Variants in PROM1 observed in about 807,000 individuals in gnomAD.
PROM1 encodes prominin 1, also known as prominin-1.
A neutral mutation model predicts 116.9 loss-of-function variants in PROM1; 105 were observed. That is an observed-to-expected ratio of 0.90 (90% CI 0.77 to 1.06). The LOEUF is 1.06. Ranked by LOEUF, PROM1 falls within the 50% of genes least tolerant of loss-of-function variation. The pLI, the probability that PROM1 is intolerant of heterozygous loss-of-function variation, is 0.00. For missense variants in PROM1, 1,122 were observed against 1,045.2 expected, an observed-to-expected ratio of 1.07 and a Z score of -1.01; for synonymous variants, 393 against 387.0, an observed-to-expected ratio of 1.02 and a Z score of -0.18.
intron 2 of PROM1, among the ~76,000 whole-genome samples, chr4:16,074,225 G>A (rs923548683): frequency 6.6e-6 from 1 of 151,108 alleles, no homozygotes; most frequent in Admixed American, 6.6e-5. Flanking sequence ...TAATTGGATT[G>A]TTTGTAACAC....
chr4:15,985,369 A>T (rs528628923), intron 22 of PROM1: 7 of 206,988 alleles, frequency 3.4e-5, no homozygotes, highest in African/African-American at 1.7e-4. Flanking sequence ...CAAGATCCTT[A>T]TTCTCTCTGA....
intron 13 of PROM1, among the ~76,000 whole-genome samples, chr4:16,002,320 C>A (rs111366368): frequency 6.6e-6 from 1 of 152,138 alleles, no homozygotes; most frequent in African/African-American, 2.4e-5. Context: ...TGTAGGGATA[C>A]CCAATGTACC....
intron 22 of PROM1, 59 bp from the exon 23 acceptor site, chr4:15,984,414 G>A (rs2149069349): frequency 7.8e-7 from 1 of 1,281,496 alleles, no homozygotes; most frequent in South Asian, 1.5e-5. Flanking sequence ...CCAAAGGAAT[G>A]AGACGTGCCA....
intron 2 of PROM1, among the ~76,000 whole-genome samples, chr4:16,063,468 TGCCTG>T (rs1740817088): frequency 6.6e-6 from 1 of 152,062 alleles, no homozygotes; most frequent in Non-Finnish European, 1.5e-5. Flanking sequence ...TGGTGGCACA[TGCCTG>T]TAGTCCCAGC....
chr4:16,007,328 T>C (rs899242052), intron 12 of PROM1, among the ~76,000 whole-genome samples: 1 of 152,264 alleles, frequency 6.6e-6, no homozygotes, highest in South Asian at 2.1e-4. Context: ...ACATTTAGGA[T>C]AATGGATCCT....
chr4:16,056,782 G>A (rs1007071058), intron 2 of PROM1, among the ~76,000 whole-genome samples: 3 of 152,210 alleles, frequency 2.0e-5, no homozygotes, highest in Non-Finnish European at 4.4e-5. Context: ...GGAGTCGGCT[G>A]GCCTAGCTAT....
intron 5 of PROM1, among the ~76,000 whole-genome samples, chr4:16,027,822 C>G (rs191759804): frequency 6.6e-6 from 1 of 152,022 alleles, no homozygotes; most frequent in Non-Finnish European, 1.5e-5. Flanking sequence ...GAAGACTGGC[C>G]GTATGTCTAA....
At chr4:16,055,480 T>C (rs1738791553) in intron 2 of PROM1, 1 of 455,062 alleles carries the variant, frequency 2.2e-6, no homozygotes. Context: ...ATTGAATAAT[T>C]ATTTCTGATC....
At chr4:16,072,078 C>T (rs971376629) in intron 2 of PROM1, among the ~76,000 whole-genome samples, 4 of 152,178 alleles carry the variant, frequency 2.6e-5, no homozygotes, top group Admixed American at 6.5e-5. Flanking sequence ...TTCTAGAATA[C>T]ATTCTGCCAT....
chr4:16,060,184 T>A (rs550474174), intron 2 of PROM1, among the ~76,000 whole-genome samples: 2 of 152,358 alleles, frequency 1.3e-5, no homozygotes, highest in African/African-American at 4.8e-5. Context: ...CTTCTGAATT[T>A]TCAGTCATAT....
chr4:15,980,832 G>A (rs1195099020), intron 23 of PROM1, among the ~76,000 whole-genome samples: 1 of 151,950 alleles, frequency 6.6e-6, no homozygotes, highest in Non-Finnish European at 1.5e-5. Flanking sequence ...GCGAATCTAG[G>A]CCACTCCAAC....
intron 12 of PROM1, among the ~76,000 whole-genome samples, chr4:16,007,237 A>G (rs968537869): frequency 6.6e-6 from 1 of 152,204 alleles, no homozygotes; most frequent in African/African-American, 2.4e-5. Context: ...TGGCAGATGC[A>G]TGGGGTATTT....
intron 9 of PROM1, among the ~76,000 whole-genome samples, chr4:16,016,998 T>C (rs1465948010): frequency 6.6e-6 from 1 of 152,226 alleles, no homozygotes; most frequent in Non-Finnish European, 1.5e-5. Context: ...AACATTTGAA[T>C]GCACACTGTG....
At chr4:15,994,760 A>G (rs1721897552) in intron 15 of PROM1, among the ~76,000 whole-genome samples, 1 of 152,224 alleles carries the variant, frequency 6.6e-6, no homozygotes, top group African/African-American at 2.4e-5. Flanking sequence ...AGCGGCATCC[A>G]GGAATGTGGC....
chr4:16,043,444 G>A (rs768090771), intron 2 of PROM1, among the ~76,000 whole-genome samples: 10 of 152,160 alleles, frequency 6.6e-5, no homozygotes, highest in Non-Finnish European at 1.3e-4. Flanking sequence ...GGGACCACAG[G>A]CATGCACATC....
intron 19 of PROM1, among the ~76,000 whole-genome samples, chr4:15,987,952 C>A (rs1435215965): frequency 6.7e-6 from 1 of 149,752 alleles, no homozygotes; most frequent in African/African-American, 2.5e-5. Context: ...TCTCAGCTCA[C>A]TGCAAGCTCC....
At chr4:15,987,814 T>G in intron 19 of PROM1, 98 bp from the exon 20 acceptor site, 1 of 929,548 alleles carries the variant, frequency 1.1e-6, no homozygotes. Context: ...ATCAAATCTG[T>G]CTTTACACTG....
chr4:16,001,148 T>C (rs1048531601), intron 13 of PROM1, among the ~76,000 whole-genome samples: 3 of 151,858 alleles, frequency 2.0e-5, no homozygotes, highest in Non-Finnish European at 4.4e-5. Flanking sequence ...TGGTGGATGA[T>C]GGAGATGTAA....
chr4:16,034,313 T>C (rs1455219364), intron 4 of PROM1, among the ~76,000 whole-genome samples: 1 of 152,204 alleles, frequency 6.6e-6, no homozygotes, highest in East Asian at 1.9e-4. Flanking sequence ...AGGTTCCTCC[T>C]CTGATACACT....
Sources: allele counts gnomAD v4.1 joint callset (sites outside exome capture counted in the v4.1 genomes callset), GRCh38; gene constraint gnomAD v4.1.1; transcripts MANE v1.5; gene names NCBI Gene and HGNC (gene_info 2026-07-23, HGNC 2026-07-21).